GAREM1: variants seen among roughly 807,000 people sequenced by gnomAD.
GAREM1 encodes GRB2-associated and regulator of MAPK protein 1.
GAREM1 carries 26 observed loss-of-function variants against 71.3 expected under a neutral mutation model. The ratio of observed to expected loss-of-function variants is 0.36; its 90% CI spans 0.27 to 0.51. The LOEUF (loss-of-function observed/expected upper bound fraction) is 0.51, where lower values mean the gene tolerates loss of function less well. GAREM1 is among the 20% of genes least tolerant of loss of function. GAREM1 has a pLI of 0.95. For synonymous variants in GAREM1, 440 were observed against 433.2 expected, an observed-to-expected ratio of 1.02 and a Z score of -0.20; for missense variants, 1,026 against 1,103.1, an observed-to-expected ratio of 0.93 and a Z score of 0.99.
At chr18:32,382,566 G>C (rs934125598) in intron 2 of GAREM1, among the ~76,000 whole-genome samples, 56 of 152,270 alleles carry the variant, frequency 3.7e-4, no homozygotes, top group African/African-American at 1.2e-3. Flanking sequence ...ACCTCAAAAA[G>C]GCCCAGCGTT....
chr18:32,455,256 G>C (rs2048876372), intron 1 of GAREM1, among the ~76,000 whole-genome samples: 1 of 152,052 alleles, frequency 6.6e-6, no homozygotes, highest in African/African-American at 2.4e-5. Flanking sequence ...GTGAGATTAA[G>C]AGGAATCAGG....
At chr18:32,447,760 G>A (rs955308102) in intron 1 of GAREM1, among the ~76,000 whole-genome samples, 5 of 151,980 alleles carry the variant, frequency 3.3e-5, no homozygotes, top group African/African-American at 7.2e-5. Context: ...TTCCCCATCC[G>A]CTTTGCACAT....
intron 1 of GAREM1, among the ~76,000 whole-genome samples, chr18:32,418,018 A>T (rs555495619): frequency 1.3e-5 from 2 of 152,268 alleles, no homozygotes; most frequent in East Asian, 1.9e-4. Context: ...GCACAAAATT[A>T]AAAAAATGAA....
chr18:32,380,565 A>G (rs1475378045), intron 2 of GAREM1, among the ~76,000 whole-genome samples: 2 of 152,122 alleles, frequency 1.3e-5, no homozygotes, highest in Non-Finnish European at 2.9e-5. Context: ...TGGAGCAGAA[A>G]ATAAAACTGA....
chr18:32,405,063 T>C (rs2048353138), intron 1 of GAREM1, among the ~76,000 whole-genome samples: 1 of 152,236 alleles, frequency 6.6e-6, no homozygotes, highest in South Asian at 2.1e-4. Context: ...GTGATAATAC[T>C]GTACTTATTC....
At chr18:32,456,132 A>G (rs898505035) in intron 1 of GAREM1, among the ~76,000 whole-genome samples, 2 of 152,172 alleles carry the variant, frequency 1.3e-5, no homozygotes, top group Non-Finnish European at 2.9e-5. Flanking sequence ...TTCTCTGTAT[A>G]TGTGAAAATT....
chr18:32,346,727 C>T (rs1336941739), intron 2 of GAREM1, among the ~76,000 whole-genome samples: 2 of 152,214 alleles, frequency 1.3e-5, no homozygotes, highest in Non-Finnish European at 2.9e-5. Flanking sequence ...TGCAGAATCA[C>T]TGGATTTTGG....
At chr18:32,349,545 T>C (rs1283038226) in intron 2 of GAREM1, among the ~76,000 whole-genome samples, 2 of 152,140 alleles carry the variant, frequency 1.3e-5, no homozygotes, top group Non-Finnish European at 2.9e-5. Context: ...TCCCCCAAAA[T>C]AGGTAGATGT....
rs1050273132 is a variant in GAREM1 at position 32,284,875 on chromosome 18, G to A, written c.1566+2156C>T. ...TGCCATTCTCCTGCGTCAGCCTCCC[G>A]AGTAGCTGGGACTACAGGCGCCCGC... is the stretch of plus-strand genomic sequence containing the variant. On this transcript the variant is annotated intron_variant, in intron 4 of 5. Coordinates refer to ENST00000269209, the MANE Select transcript of GAREM1 (RefSeq NM_001242409.2). Among the ~76,000 whole-genome samples the A allele has an allele frequency of 6.6e-5, 10 of 151,494 alleles. No homozygotes were observed. The East Asian group carries it at 1.6e-3, about 24-fold the overall frequency.
intron 2 of GAREM1, among the ~76,000 whole-genome samples, chr18:32,334,559 C>T (rs938705421): frequency 2.0e-5 from 3 of 152,148 alleles, no homozygotes; most frequent in Admixed American, 6.5e-5. Flanking sequence ...AGATATTTCC[C>T]CCGAGTGGGG....
chr18:32,420,730 G>A (rs998400108), intron 1 of GAREM1, among the ~76,000 whole-genome samples: 4 of 147,564 alleles, frequency 2.7e-5, no homozygotes, highest in Middle Eastern at 3.5e-3. Context: ...GGGCAACACA[G>A]TGAGACCCCC....
At position 32,366,462 on chromosome 18, in the gene GAREM1, G is replaced by A. The variant is rs79734686; in HGVS notation, c.262+26433C>T. Among the ~76,000 whole-genome samples, 1,107 of 152,258 alleles carry A rather than the reference G, an allele frequency of 7.3e-3. 41 individuals carry two copies. The highest frequency in any genetic ancestry group is 0.056 in the East Asian group (288 of 5,178). On this transcript the variant is annotated intron_variant, in intron 2 of 5. Transcript: ENST00000269209. ...AGGGCAAGGGCTACCCCAGGAGAAA[G>A]CAAGAAAGAGACTTTAAAGTATACT...
chr18:32,287,371 A>G lies in GAREM1; in HGVS notation c.1226T>C (p.Leu409Pro). Residue 409 changes from leucine to proline, a missense_variant, in exon 4 of 6, where the codon CTG becomes CCG. Around this residue, in one of 3 missense-constraint regions of GAREM1, gnomAD observed 636 missense variants for 631.2 expected, o/e 1.01. Transcript: ENST00000269209. The surrounding 1 kb of genome is among the most constrained non-coding windows in gnomAD (Gnocchi z 5.9). ...AGGAAAGGGAGCCCAATCTCCCCCC[A>G]GGTCCCTGCAACCATGAAGGTTCAC... ...SEVNLHGCRDLGGDWAPFPHD... is the reference protein window; with the variant it reads ...SEVNLHGCRDPGGDWAPFPHD... 6.2e-7 allele frequency: 1 copy of G among 1,614,202 alleles called. No individual in the cohort carries two copies. The highest frequency in any genetic ancestry group is 1.7e-4 in the Middle Eastern group (1 of 6,060).
At chr18:32,274,958 CA>C (rs60198341) in intron 4 of GAREM1, among the ~76,000 whole-genome samples, 8,269 of 112,828 alleles carry the variant, frequency 0.073, 339 homozygotes, top group African/African-American at 0.15. Context: ...ACAAAAAATA[CA>C]AAAAAAAAAA....
At chr18:32,365,702 G>A (rs534476333) in intron 2 of GAREM1, among the ~76,000 whole-genome samples, 3 of 152,118 alleles carry the variant, frequency 2.0e-5, no homozygotes, top group South Asian at 4.2e-4. Flanking sequence ...CTACTTTTTC[G>A]CATCTTCCAA....
At chr18:32,283,031 C>A (rs2046970161) in intron 4 of GAREM1, among the ~76,000 whole-genome samples, 2 of 152,202 alleles carry the variant, frequency 1.3e-5, no homozygotes, top group Non-Finnish European at 2.9e-5. Context: ...GAGGGACTGT[C>A]AGGTCATTCT....
chr18:32,470,515 G>C lies in GAREM1; in HGVS notation c.-87C>G. The C allele has an allele frequency of 1.0e-6, 1 of 994,038 alleles. No homozygotes were observed. Among genetic ancestry groups the C allele is most frequent in the Non-Finnish European group, 1.2e-6 (1 of 821,480 alleles). The allele number at this position is 994,038 out of a possible 1,614,324, so 61.6% of individuals were successfully genotyped here. On this transcript the variant is annotated 5_prime_UTR_variant, in exon 1 of 6. Coordinates refer to ENST00000269209, the MANE Select transcript of GAREM1 (RefSeq NM_001242409.2). This position sits in a 1 kb window ranked among gnomAD's most constrained non-coding sequence, Gnocchi z 4.4. The stretch of plus-strand genomic sequence containing the variant: ...GGCGGCCGCCGCTGCTCGCGCTCGC[G>C]GTCTGGGGCGCGCGGGAGGCGCCGG...
chr18:32,463,586 T>A (rs2048971600), intron 1 of GAREM1, among the ~76,000 whole-genome samples: 1 of 137,764 alleles, frequency 7.3e-6, no homozygotes. Context: ...TTTTTTTTTT[T>A]TGAGACGGAG....
intron 1 of GAREM1, among the ~76,000 whole-genome samples, chr18:32,450,896 T>C (rs2048830768): frequency 6.6e-6 from 1 of 152,074 alleles, no homozygotes; most frequent in Admixed American, 6.6e-5. Flanking sequence ...GCTGTGGTAA[T>C]CCCAGCACTT....
Sources: gnomAD v4.1 joint callset for allele counts (sites outside exome capture counted in the v4.1 genomes callset) on GRCh38, gnomAD v4.1.1 for gene constraint, gnomAD v4.1.1 regional missense constraint, Gnocchi (gnomAD v3.1) non-coding constraint, MANE v1.5 for transcripts, NCBI Gene and HGNC (gene_info 2026-07-23, HGNC 2026-07-21) for gene names.